The following ARHGAP10 variants were observed in gnomAD, a reference collection of about 807,000 sequenced individuals.
ARHGAP10 encodes rho GTPase-activating protein 10.
ARHGAP10 carries 87 observed loss-of-function variants against 108.6 expected under a neutral mutation model. The ratio of observed to expected loss-of-function variants is 0.80; its 90% confidence interval spans 0.67 to 0.96. The LOEUF is 0.96. Among genes scored for constraint, ARHGAP10 ranks in the 40% least tolerant of loss-of-function variants. ARHGAP10 has a pLI of 0.00. For missense variants in ARHGAP10, 939 were observed against 954.5 expected, an observed-to-expected ratio of 0.98 and a Z score of 0.21; for synonymous variants, 347 against 341.1, an observed-to-expected ratio of 1.02 and a Z score of -0.19.
At chr4:147,915,847 T>G (rs1560824762) in intron 13 of ARHGAP10, among the ~76,000 whole-genome samples, 1 of 152,198 alleles carries the variant, frequency 6.6e-6, no homozygotes, top group Non-Finnish European at 1.5e-5. Context: ...CTCACACCTA[T>G]AATCCCAGCA....
intron 1 of ARHGAP10, among the ~76,000 whole-genome samples, chr4:147,734,616 G>C (rs1388626869): frequency 1.3e-5 from 2 of 152,178 alleles, no homozygotes; most frequent in East Asian, 3.9e-4. Flanking sequence ...CAGGGGACCT[G>C]AATTTAATTC....
intron 6 of ARHGAP10, chr4:147,866,270 T>C (rs919642265): frequency 1.3e-5 from 2 of 153,508 alleles, no homozygotes; most frequent in African/African-American, 4.8e-5. Context: ...TGGCAAGTCA[T>C]GGAATATCTT....
chr4:147,789,562 A>G (rs1731036066), intron 1 of ARHGAP10, among the ~76,000 whole-genome samples: 2 of 152,212 alleles, frequency 1.3e-5, no homozygotes, highest in Admixed American at 1.3e-4. Flanking sequence ...GTGAGCCACC[A>G]TGCCCGGCCC....
At chr4:148,018,807 T>A (rs1741451887) in intron 18 of ARHGAP10, among the ~76,000 whole-genome samples, 1 of 152,220 alleles carries the variant, frequency 6.6e-6, no homozygotes. Context: ...CAGCAGTGAC[T>A]TTGGAATGAA....
At chr4:147,926,990 A>C (rs1031228045) in intron 13 of ARHGAP10, among the ~76,000 whole-genome samples, 3 of 152,180 alleles carry the variant, frequency 2.0e-5, no homozygotes, top group Non-Finnish European at 2.9e-5. Flanking sequence ...TGAGCCCCTG[A>C]AGTGAAGAAA....
intron 1 of ARHGAP10, among the ~76,000 whole-genome samples, chr4:147,803,519 A>G (rs888349874): frequency 6.6e-6 from 1 of 152,202 alleles, no homozygotes; most frequent in Non-Finnish European, 1.5e-5. Context: ...CTGTACTGTC[A>G]AACACTAGAA....
chr4:147,838,122 C>G (rs1055252255), intron 3 of ARHGAP10, among the ~76,000 whole-genome samples: 1 of 152,012 alleles, frequency 6.6e-6, no homozygotes, highest in African/African-American at 2.4e-5. Context: ...CTCTTGGCAC[C>G]TTTGAGATTA....
intron 20 of ARHGAP10, among the ~76,000 whole-genome samples, chr4:148,059,412 C>T (rs1321086293): frequency 6.6e-6 from 1 of 151,908 alleles, no homozygotes; most frequent in Non-Finnish European, 1.5e-5. Flanking sequence ...GTGCTCATGC[C>T]AGTCTTACTA....
intron 5 of ARHGAP10, chr4:147,863,970 G>C (rs1400793914): frequency 6.6e-6 from 1 of 152,186 alleles, no homozygotes; most frequent in Non-Finnish European, 1.5e-5. Flanking sequence ...TTGTGAGTTT[G>C]ATTTGCATCC....
intron 1 of ARHGAP10, among the ~76,000 whole-genome samples, chr4:147,792,175 C>G (rs1386410559): frequency 2.0e-5 from 3 of 152,186 alleles, no homozygotes; most frequent in African/African-American, 7.2e-5. Context: ...TTTTGTTGAG[C>G]TGCATCTTTT....
chr4:147,905,318 C>A (rs1241490335), intron 10 of ARHGAP10, among the ~76,000 whole-genome samples: 1 of 147,768 alleles, frequency 6.8e-6, no homozygotes, highest in Admixed American at 6.8e-5. Context: ...ATGCCTATGT[C>A]CTGAATGGTA....
In ARHGAP10 at chr4:147,732,405, TC is replaced by T; in HGVS notation, c.105del (p.Phe35LeufsTer42). ...HEAELERTNK[F>X]IKELIKDGKN... ...GCGGAACTCGAGAGGACCAACAAGTTCATCAAAGAGCTCATTAAGGACGGGA... is the reference window on the plus strand; with the variant it reads ...GCGGAACTCGAGAGGACCAACAAGTTATCAAAGAGCTCATTAAGGACGGGA... On this transcript the variant is annotated frameshift_variant, in exon 1 of 23. Transcript: ENST00000336498. LOFTEE classifies it high-confidence loss of function. The T allele has an allele frequency of 6.2e-7, 1 of 1,612,968 alleles. No homozygotes were observed. The highest frequency in any genetic ancestry group is 1.3e-5 in the African/African-American group (1 of 74,826).
In ARHGAP10 at chr4:147,804,426, C is replaced by G. The variant is rs1731699814; in HGVS notation, c.155-18301C>G. Among the ~76,000 whole-genome samples, 3 of 152,116 alleles carry G rather than the reference C, an allele frequency of 2.0e-5. No homozygotes were observed. The South Asian group carries it at 6.2e-4, about 32-fold the overall frequency. ...GTTGGTGGACATCTAGGTTGATTCCCTATCTTTGCTATTGTGAATAGTGCT... is the reference window on the plus strand; with the variant it reads ...GTTGGTGGACATCTAGGTTGATTCCGTATCTTTGCTATTGTGAATAGTGCT... On this transcript the variant is annotated intron_variant, in intron 1 of 22. Coordinates refer to ENST00000336498, the MANE Select transcript of ARHGAP10 (RefSeq NM_024605.4).
At chr4:147,915,337 T>G (rs1278722114) in intron 13 of ARHGAP10, among the ~76,000 whole-genome samples, 2 of 152,202 alleles carry the variant, frequency 1.3e-5, no homozygotes, top group Non-Finnish European at 2.9e-5. Flanking sequence ...TCGAAAGAAT[T>G]TCAGAAAAAA....
intron 13 of ARHGAP10, among the ~76,000 whole-genome samples, chr4:147,914,579 T>TA (rs1736887087): frequency 1.8e-5 from 1 of 56,934 alleles, no homozygotes; most frequent in African/African-American, 5.8e-5. Flanking sequence ...TTTTTTTTTT[T>TA]AACATCTTCA....
intron 1 of ARHGAP10, among the ~76,000 whole-genome samples, chr4:147,733,638 A>G (rs1198706300): frequency 1.3e-5 from 2 of 152,166 alleles, no homozygotes; most frequent in African/African-American, 4.8e-5. Context: ...CCCATTTTTC[A>G]GTAAGGGCGA....
At chr4:148,050,403 T>G (rs1578828537) in intron 20 of ARHGAP10, among the ~76,000 whole-genome samples, 1 of 135,562 alleles carries the variant, frequency 7.4e-6, no homozygotes, top group South Asian at 2.6e-4. Context: ...AGATGTAGTC[T>G]CGCTCTGTTG....
At chr4:147,969,246 C>T (rs1246003361) in intron 18 of ARHGAP10, among the ~76,000 whole-genome samples, 9 of 150,926 alleles carry the variant, frequency 6.0e-5, no homozygotes, top group African/African-American at 2.2e-4. Flanking sequence ...AAAAGATAAG[C>T]TTGAAAGCTG....
intron 1 of ARHGAP10, among the ~76,000 whole-genome samples, chr4:147,810,660 A>G (rs1260103480): frequency 6.6e-6 from 1 of 152,158 alleles, no homozygotes; most frequent in Non-Finnish European, 1.5e-5. Flanking sequence ...GAGAACCTAA[A>G]TGCACATACA....
Sources: gnomAD v4.1 joint callset for allele counts (sites outside exome capture counted in the v4.1 genomes callset) on GRCh38, gnomAD v4.1.1 for gene constraint, MANE v1.5 for transcripts, NCBI Gene and HGNC (gene_info 2026-07-23, HGNC 2026-07-21) for gene names.